Variants in BMPR1A observed in about 807,000 individuals in gnomAD.
The protein encoded by BMPR1A is bone morphogenetic protein receptor type-1A.
Under a neutral mutation model 66.0 loss-of-function variants are expected in BMPR1A, and 7 were observed. The observed-to-expected ratio is 0.11, with a 90% CI of 0.06 to 0.20. BMPR1A has a LOEUF of 0.20. Ranked by LOEUF, BMPR1A falls within the 10% of genes least tolerant of loss-of-function variation. The pLI, the probability that BMPR1A is intolerant of heterozygous loss-of-function variation, is 1.00. For synonymous variants in BMPR1A, 200 were observed against 229.7 expected (o/e 0.87, Z 1.17); for missense variants, 408 against 669.1 (o/e 0.61, Z 4.31).
intron 8 of BMPR1A, among the ~76,000 whole-genome samples, chr10:86,913,584 A>G (rs543235782): frequency 6.6e-6 from 1 of 152,328 alleles, no homozygotes; most frequent in Admixed American, 6.5e-5. Flanking sequence ...TGACTTTATC[A>G]GGTTGCAGAA....
intron 1 of BMPR1A, among the ~76,000 whole-genome samples, chr10:86,762,075 C>T (rs558870369): frequency 2.4e-4 from 37 of 152,260 alleles, no homozygotes; most frequent in African/African-American, 8.9e-4. Context: ...AGTGACAGCC[C>T]TAACTCAAGT....
intron 3 of BMPR1A, among the ~76,000 whole-genome samples, chr10:86,878,032 A>G (rs1029949562): frequency 3.9e-5 from 6 of 152,236 alleles, no homozygotes; most frequent in African/African-American, 1.2e-4. Context: ...AATTATTTTG[A>G]TAGTTGCTTC....
Position 86,926,304 on chromosome 10 carries a change from A to G in BMPR1A, c.*2585A>G. ...TGGGAGGCTGAGGCGGGTGGATCAC[A>G]AGGTCAGGAGTTCAAGACCAGCCTG... On this transcript the variant is annotated 3_prime_UTR_variant, in exon 13 of 13. Coordinates refer to ENST00000372037, the MANE Select transcript of BMPR1A (RefSeq NM_004329.3). 1 of 153,464 alleles carries G rather than the reference A, an allele frequency of 6.5e-6. No homozygotes were observed. Among genetic ancestry groups the G allele is most frequent in the Non-Finnish European group, 1.5e-5 (1 of 68,798 alleles). The allele number at this position is 153,464 out of a possible 1,614,324, so 9.5% of individuals were successfully genotyped here.
At chr10:86,911,178 T>TAAA (rs1843477739) in intron 7 of BMPR1A, among the ~76,000 whole-genome samples, 7 of 144,674 alleles carry the variant, frequency 4.8e-5, no homozygotes, top group African/African-American at 1.8e-4. Context: ...AAAAAAAAAT[T>TAAA]AAACCTTGAG....
chr10:86,817,616 G>T (rs1290138948), intron 1 of BMPR1A, among the ~76,000 whole-genome samples: 1 of 152,146 alleles, frequency 6.6e-6, no homozygotes, highest in African/African-American at 2.4e-5. Flanking sequence ...GGATGAAATG[G>T]ACAGATTCCT....
intron 1 of BMPR1A, among the ~76,000 whole-genome samples, chr10:86,799,194 T>C (rs745927620): frequency 6.6e-6 from 1 of 152,230 alleles, no homozygotes; most frequent in Non-Finnish European, 1.5e-5. Context: ...GTAATTATCA[T>C]TGATTGATGA....
At chr10:86,908,805 C>G (rs1843434177) in intron 7 of BMPR1A, among the ~76,000 whole-genome samples, 1 of 152,102 alleles carries the variant, frequency 6.6e-6, no homozygotes, top group African/African-American at 2.4e-5. Context: ...GCTCTTGCAC[C>G]TCCTCCCACA....
chr10:86,840,967 C>A (rs1400813830), intron 2 of BMPR1A, among the ~76,000 whole-genome samples: 2 of 152,188 alleles, frequency 1.3e-5, no homozygotes, highest in Admixed American at 6.5e-5. Context: ...TGCTGCTTCT[C>A]GCTCCTACTT....
downstream of BMPR1A, chr10:86,931,298 C>CACACACACATATATATATATATAT: frequency 2.1e-4 from 19 of 90,882 alleles, no homozygotes; most frequent in East Asian, 9.0e-4. Flanking sequence ...CACACACACA[C>CACACACACATATATATATATATAT]ATATATATAT....
At chr10:86,787,858 A>G (rs763711722) in intron 1 of BMPR1A, among the ~76,000 whole-genome samples, 20 of 150,698 alleles carry the variant, frequency 1.3e-4, no homozygotes, top group African/African-American at 4.1e-4. Context: ...ACTCACTATC[A>G]TGAGTACAGC....
At chr10:86,915,909 T>A (rs1277077020) in intron 8 of BMPR1A, among the ~76,000 whole-genome samples, 2 of 152,234 alleles carry the variant, frequency 1.3e-5, no homozygotes, top group Non-Finnish European at 2.9e-5. Context: ...GTACATCTTT[T>A]ATTTAACAAA....
chr10:86,888,275 C>T (rs186901895), intron 3 of BMPR1A, among the ~76,000 whole-genome samples: 1 of 151,556 alleles, frequency 6.6e-6, no homozygotes, highest in Admixed American at 6.6e-5. Context: ...ACCAGCCTGG[C>T]CAACATGGTG....
rs1589752897 is a variant in BMPR1A, at chr10:86,866,399, C to CTTTTTTTTTTTCTT, written c.-152-9457_-152-9456insCTTTTTTTTTTTTT. On this transcript the variant is annotated intron_variant, in intron 2 of 12. Transcript: ENST00000372037. ...TGTGTTAAGTTGGGCAAGTTTCTTT[C>CTTTTTTTTTTTCTT]TTTTTTTTTTTTTTTTTTTTTTTTT... Among the ~76,000 whole-genome samples, 46 of 69,470 alleles carry CTTTTTTTTTTTCTT rather than the reference C, an allele frequency of 6.6e-4. 2 individuals carry two copies. Among genetic ancestry groups the CTTTTTTTTTTTCTT allele is most frequent in the African/African-American group, 1.2e-3 (22 of 18,816 alleles). 45.6% of individuals were successfully genotyped at this position (69,470 alleles called of 152,430 possible).
chr10:86,824,343 C>T (rs1167390096), intron 1 of BMPR1A, among the ~76,000 whole-genome samples: 1 of 152,078 alleles, frequency 6.6e-6, no homozygotes, highest in Non-Finnish European at 1.5e-5. Context: ...TCCTTGATTG[C>T]CCTAGTTGCT....
chr10:86,866,290 C>G (rs1842783792), intron 2 of BMPR1A, among the ~76,000 whole-genome samples: 2 of 140,374 alleles, frequency 1.4e-5, no homozygotes, highest in Admixed American at 7.6e-5. Context: ...GTTTTTTAAT[C>G]TCATTACTTT....
At chr10:86,862,502 C>G (rs1429818157) in intron 2 of BMPR1A, among the ~76,000 whole-genome samples, 1 of 152,182 alleles carries the variant, frequency 6.6e-6, no homozygotes, top group Admixed American at 6.5e-5. Flanking sequence ...GTTTAACATG[C>G]TTTCTCTTAG....
chr10:86,772,830 A>G (rs1841285795), intron 1 of BMPR1A, among the ~76,000 whole-genome samples: 1 of 152,202 alleles, frequency 6.6e-6, no homozygotes, highest in African/African-American at 2.4e-5. Context: ...GATTGCAAAA[A>G]TAATGCTTAC....
chr10:86,892,251 A>C (rs1165365019), intron 5 of BMPR1A, 22 bp downstream of exon 5: 2 of 1,592,190 alleles, frequency 1.3e-6, no homozygotes, highest in Admixed American at 3.3e-5. Flanking sequence ...TTTGGGACCC[A>C]TGAGACAAAG....
At chr10:86,910,446 C>G (rs1843462696) in intron 7 of BMPR1A, among the ~76,000 whole-genome samples, 1 of 152,188 alleles carries the variant, frequency 6.6e-6, no homozygotes, top group East Asian at 1.9e-4. Context: ...ACTTTGTGTA[C>G]TTACGTGGAA....
Sources: allele counts gnomAD v4.1 joint callset (sites outside exome capture counted in the v4.1 genomes callset), GRCh38; gene constraint gnomAD v4.1.1; transcripts MANE v1.5; gene names NCBI Gene and HGNC (gene_info 2026-07-23, HGNC 2026-07-21).